The following CT55 variants were observed in gnomAD, a reference collection of about 807,000 sequenced individuals.
CT55 encodes cancer/testis antigen 55.
Under a neutral mutation model 12.6 loss-of-function variants are expected in CT55, and 1 was observed. That is an observed-to-expected ratio of 0.08 (90% CI 0.03 to 0.38). CT55 has a LOEUF of 0.38. Ranked by LOEUF, CT55 falls within the 10% of genes least tolerant of loss-of-function variation. The pLI, the probability that CT55 is intolerant of heterozygous loss-of-function variation, is 0.99. For synonymous variants in CT55, 43 were observed against 49.7 expected (o/e 0.87, Z 0.57); for missense variants, 109 against 135.4 (o/e 0.80, Z 0.97).
chrX:135,166,751 G>A (rs782639911), intron 2 of CT55, among the ~76,000 whole-genome samples: 4 of 111,639 alleles, frequency 3.6e-5, no homozygotes, highest in African/African-American at 1.3e-4. Flanking sequence ...ACAAATTCAG[G>A]AAAGTGGCAT....
chrX:135,164,710 G>A (rs1489540323), intron 2 of CT55, among the ~76,000 whole-genome samples: 3 of 111,680 alleles, frequency 2.7e-5, no homozygotes, highest in Non-Finnish European at 3.8e-5. Context: ...AAGGGCATTC[G>A]TAAACTGAAA....
intron 2 of CT55, among the ~76,000 whole-genome samples, chrX:135,166,565 T>C (rs1398563240): frequency 8.9e-6 from 1 of 111,851 alleles, no homozygotes; most frequent in Non-Finnish European, 1.9e-5. Context: ...AATGCCCACT[T>C]TTGCCCTTTC....
chrX:135,158,221 A>T lies in CT55; in HGVS notation c.515T>A (p.Ile172Asn). Reference sequence around the variant, plus strand: ...TACCTCTTCCGTATGAATACAACGGATGGGCTTCACAGAAGTTGCCTTGAT... The same window carrying T: ...TACCTCTTCCGTATGAATACAACGGTTGGGCTTCACAGAAGTTGCCTTGAT... ...SNIKATSVKP[I>N]RCIHTEEVCI... Residue 172 changes from isoleucine (I) to asparagine (N), a missense_variant, in exon 4 of 6, where the codon ATC becomes AAC. By Grantham distance (149) the Ile-to-Asn change is moderately radical. Coordinates refer to ENST00000276241, the MANE Select transcript of CT55 (RefSeq NM_001031705.3). 1 of 1,201,715 alleles carries T rather than the reference A, an allele frequency of 8.3e-7. No individual in the cohort carries two copies. Among genetic ancestry groups the T allele is most frequent in the Non-Finnish European group, 1.1e-6 (1 of 886,335 alleles).
rs781900899 is a variant in CT55 at position 135,171,127 on chromosome X, C to T, written c.45G>A (p.Thr15=). The T allele has an allele frequency of 5.0e-6, 6 of 1,211,500 alleles. No homozygotes were observed. In the East Asian group the frequency reaches 1.5e-4, roughly 30 times the overall value. ...GGCCCTGTCGCTCTGCAGGGTCGGC[C>T]GTCCTCCCGTAGAAGGCCAAAGCAA... ...LRLALAFYGR[T]ADPAERQGPQ... The change falls in exon 1 of 6, where the codon ACG becomes ACA. Residue 15 remains threonine (T), a synonymous_variant. Transcript: ENST00000276241.
Position 135,171,191 on chromosome X carries a change from G to A in CT55, c.-20C>T, listed in dbSNP as rs190833207. On this transcript the variant is annotated 5_prime_UTR_variant, in exon 1 of 6. Coordinates refer to ENST00000276241, the MANE Select transcript of CT55 (RefSeq NM_001031705.3). ...GAGCATCGTCCCAGTTGTCACCACC[G>A]GCCTGGGCACCGCTTGTGGCAGATG... 15 of 1,208,674 alleles carry A rather than the reference G, an allele frequency of 1.2e-5. No individual in the cohort carries two copies. The highest frequency in any genetic ancestry group is 2.3e-4 in the Middle Eastern group (1 of 4,349).
At chrX:135,160,184 G>A (rs2148442647) in intron 3 of CT55, among the ~76,000 whole-genome samples, 1 of 111,151 alleles carries the variant, frequency 9.0e-6, no homozygotes, top group African/African-American at 3.3e-5. Context: ...AGTATATCCA[G>A]GCATTACTGA....
At chrX:135,161,113 G>A (rs181112187) in intron 2 of CT55, among the ~76,000 whole-genome samples, 13 of 110,085 alleles carry the variant, frequency 1.2e-4, no homozygotes, top group Non-Finnish European at 2.3e-4. Context: ...TCCAGGCCTA[G>A]GAGACAGAAG....
chrX:135,171,166 G>A lies in CT55; in HGVS notation c.6C>T (p.Leu2=). 1.7e-6 allele frequency: 2 copies of A among 1,211,691 alleles called. No individual in the cohort carries two copies. Among genetic ancestry groups the A allele is most frequent in the Non-Finnish European group, 2.2e-6 (2 of 895,381 alleles). The change falls in exon 1 of 6, where the codon CTC becomes CTT. Residue 2 remains leucine (L), a synonymous_variant. Transcript: ENST00000276241. M[L]RLLRLALAFY... The stretch of plus-strand genomic sequence containing the variant: ...AGGCCAAAGCAAGTCTCAGAAGCCT[G>A]AGCATCGTCCCAGTTGTCACCACCG...
Position 135,169,692 on chromosome X carries a change from T to G in CT55, c.181A>C (p.Ser61Arg). The change falls in exon 2 of 6, where the codon AGT (serine) becomes CGT (arginine). Residue 61 changes from serine (S) to arginine (R), a missense_variant. Transcript: ENST00000276241. ...GMIDESIYFS[S>R]DVVTGNVPLK... ...GGCACGTTGCCAGTCACAACATCAC[T>G]ACTGAAGTAGATCGACTCATCAATC... 4 of 1,205,733 alleles carry G rather than the reference T, an allele frequency of 3.3e-6. No individual in the cohort carries two copies. Among genetic ancestry groups the G allele is most frequent in the Non-Finnish European group, 4.5e-6 (4 of 890,954 alleles).
chrX:135,166,036 C>CA lies in CT55; in HGVS notation c.279+3557dup, dbSNP rs56051595. Among the ~76,000 whole-genome samples, 15 of 36,058 alleles carry CA rather than the reference C, an allele frequency of 4.2e-4. 1 individual carries two copies. Among genetic ancestry groups the CA allele is most frequent in the African/African-American group, 9.7e-4 (7 of 7,229 alleles). The allele number at this position is 36,058 out of a possible 115,157, so 31.3% of individuals were successfully genotyped here. A position where few individuals can be genotyped will look rare whatever the true frequency, so the allele number is the denominator to read the frequency against. On this transcript the variant is annotated intron_variant, in intron 2 of 5. Coordinates refer to ENST00000276241, the MANE Select transcript of CT55 (RefSeq NM_001031705.3). Reference sequence around the variant, plus strand: ...AATAGCTATACTTTTAAACCTATTCCAAAAAAAAAAAAAAAAAAAAAAAAA... The same window carrying CA: ...AATAGCTATACTTTTAAACCTATTCCAAAAAAAAAAAAAAAAAAAAAAAAAA...
chrX:135,168,161 A>G (rs2083594087), intron 2 of CT55, among the ~76,000 whole-genome samples: 1 of 112,462 alleles, frequency 8.9e-6, no homozygotes, highest in Admixed American at 9.4e-5. Context: ...TTGCAGCCCT[A>G]TTCACAATAG....
intron 2 of CT55, among the ~76,000 whole-genome samples, chrX:135,161,915 G>A (rs1470750101): frequency 8.9e-6 from 1 of 112,452 alleles, no homozygotes; most frequent in African/African-American, 3.2e-5. Context: ...CCCAGTGGAT[G>A]ATCCACAGCA....
Position 135,158,202 on chromosome X carries a change from T to G in CT55, c.534A>C (p.Glu178Asp), listed in dbSNP as rs782808130. ...GGAGCAACAGGAAAGAAATTACCTC[T>G]TCCGTATGAATACAACGGATGGGCT... is the stretch of plus-strand genomic sequence containing the variant. ...SVKPIRCIHT[E>D]EVCITSVHGR... Residue 178 changes from glutamate to aspartate, a missense_variant, in exon 4 of 6, where the codon GAA becomes GAC. Coordinates refer to ENST00000276241, the MANE Select transcript of CT55 (RefSeq NM_001031705.3). The G allele has an allele frequency of 8.5e-7, 1 of 1,170,629 alleles. No individual in the cohort carries two copies. Among genetic ancestry groups the G allele is most frequent in the South Asian group, 1.8e-5 (1 of 55,753 alleles).
At chrX:135,163,072 G>C (rs1419822148) in intron 2 of CT55, among the ~76,000 whole-genome samples, 2 of 111,689 alleles carry the variant, frequency 1.8e-5, no homozygotes, top group African/African-American at 6.5e-5. Context: ...TTCTGGACAG[G>C]CTTACTGCTA....
At chrX:135,158,406 A>C (rs1281577518) in intron 3 of CT55, 95 bp from the exon 4 acceptor site, 1 of 494,008 alleles carries the variant, frequency 2.0e-6, no homozygotes, top group African/African-American at 2.4e-5. Context: ...CTTTAAAGTC[A>C]GTTCTGCTAA....
At chrX:135,168,669 C>T (rs1442020770) in intron 2 of CT55, among the ~76,000 whole-genome samples, 1 of 111,643 alleles carries the variant, frequency 9.0e-6, no homozygotes, top group Non-Finnish European at 1.9e-5. Context: ...TTGCATAACT[C>T]TGTGAACAAA....
intron 2 of CT55, among the ~76,000 whole-genome samples, chrX:135,166,683 A>G (rs1556406076): frequency 1.8e-5 from 2 of 111,670 alleles, no homozygotes; most frequent in Non-Finnish European, 3.8e-5. Flanking sequence ...TGCAGACGGG[A>G]AGCTGTTACT....
intron 3 of CT55, among the ~76,000 whole-genome samples, chrX:135,160,171 A>T (rs1181040955): frequency 9.0e-6 from 1 of 111,704 alleles, no homozygotes; most frequent in Non-Finnish European, 1.9e-5. Flanking sequence ...CATATGAATG[A>T]ATAGTATATC....
chrX:135,159,427 G>A (rs1370950940), intron 3 of CT55, among the ~76,000 whole-genome samples: 97 of 111,351 alleles, frequency 8.7e-4, no homozygotes, highest in African/African-American at 2.9e-3. Flanking sequence ...GTTTGCCTCA[G>A]TCGTCTACAT....
Sources: gnomAD v4.1 joint callset for allele counts (sites outside exome capture counted in the v4.1 genomes callset) on GRCh38, gnomAD v4.1.1 for gene constraint, MANE v1.5 for transcripts, NCBI Gene and HGNC (gene_info 2026-07-23, HGNC 2026-07-21) for gene names.